The following HEXB variants were observed in gnomAD, a reference collection of about 807,000 sequenced individuals.
The protein encoded by HEXB is hexosaminidase subunit beta, also known as beta-hexosaminidase subunit beta.
A neutral mutation model predicts 71.2 loss-of-function variants in HEXB; 51 were observed. The ratio of observed to expected loss-of-function variants is 0.72; its 90% CI spans 0.57 to 0.90. HEXB has a LOEUF of 0.90. Ranked by LOEUF, HEXB falls within the 40% of genes least tolerant of loss-of-function variation. HEXB has a pLI of 0.00. For missense variants in HEXB, 617 were observed against 677.0 expected (o/e 0.91, Z 0.98); for synonymous variants, 266 against 249.3 (o/e 1.07, Z -0.63).
At chr5:74,670,829 C>G (rs932528175) in intron 1 of HEXB, among the ~76,000 whole-genome samples, 8 of 152,172 alleles carry the variant, frequency 5.3e-5, no homozygotes, top group African/African-American at 1.9e-4. Flanking sequence ...ACAGAGCCTG[C>G]TCCTGTGCTG....
intron 1 of HEXB, among the ~76,000 whole-genome samples, chr5:74,657,354 A>G (rs1384294750): frequency 3.3e-5 from 5 of 152,114 alleles, no homozygotes; most frequent in Admixed American, 1.3e-4. Flanking sequence ...AACTTTTACC[A>G]TAAATAACCA....
rs1749650935 is a variant in HEXB at position 74,715,613 on chromosome 5, A to G, written c.1005A>G (p.Thr335=). 2 of 1,609,674 alleles carry G rather than the reference A, an allele frequency of 1.2e-6. No individual in the cohort carries two copies. Among genetic ancestry groups the G allele is most frequent in the Non-Finnish European group, 1.7e-6 (2 of 1,176,304 alleles). The change falls in exon 8 of 14, where the codon ACA becomes ACG. Residue 335 remains threonine, a synonymous_variant. Coordinates refer to ENST00000261416, the MANE Select transcript of HEXB (RefSeq NM_000521.4). ...TLNTTYSFLT[T]FFKEISEVFP... The stretch of plus-strand genomic sequence containing the variant: ...ATACAACATACAGCTTCCTTACTAC[A>G]TTTTTCAAAGAAATTAGTGAGGTGT...
chr5:74,648,405 T>G (rs1235737798), intron 1 of HEXB, among the ~76,000 whole-genome samples: 1 of 152,184 alleles, frequency 6.6e-6, no homozygotes, highest in Non-Finnish European at 1.5e-5. Context: ...GGAGGCACAC[T>G]CAAATAGTAC....
chr5:74,679,785 C>T (rs992224337), intron 1 of HEXB, among the ~76,000 whole-genome samples: 4 of 116,084 alleles, frequency 3.4e-5, no homozygotes, highest in South Asian at 3.0e-4. Flanking sequence ...GGTGACAGCG[C>T]GAGACTCCGT....
intron 1 of HEXB, among the ~76,000 whole-genome samples, chr5:74,648,284 A>G (rs7704467): frequency 0.63 from 95,111 of 152,138 alleles, 30,142 homozygotes; most frequent in Middle Eastern, 0.78. Flanking sequence ...CAAGCATTAG[A>G]TTATTGTAAG....
Position 74,721,263 on chromosome 5 carries a change from T to G in HEXB, c.*88T>G. ...TAAAATAAGATATTAGACTGTTTTT[T>G]GAATAAAATATTTTTATTGATTGAA... is the stretch of plus-strand genomic sequence containing the variant. On this transcript the variant is annotated 3_prime_UTR_variant, in exon 14 of 14. Transcript: ENST00000261416. 9.4e-7 allele frequency: 1 copy of G among 1,068,748 alleles called. No homozygotes were observed. The highest frequency in any genetic ancestry group is 1.4e-6 in the Non-Finnish European group (1 of 691,720). 66.2% of individuals were successfully genotyped at this position (1,068,748 alleles called of 1,614,324 possible). A position where few individuals can be genotyped will look rare whatever the true frequency, so the allele number is the denominator to read the frequency against.
chr5:74,656,480 A>AAAAAT (rs369978790), intron 1 of HEXB, among the ~76,000 whole-genome samples: 5,258 of 145,462 alleles, frequency 0.036, 139 homozygotes, highest in Non-Finnish European at 0.048. Context: ...CTCTGTCTCA[A>AAAAAT]AAAATAAAAT....
intron 1 of HEXB, among the ~76,000 whole-genome samples, chr5:74,660,981 G>A (rs1298849818): frequency 6.6e-6 from 1 of 152,166 alleles, no homozygotes; most frequent in Non-Finnish European, 1.5e-5. Flanking sequence ...CTTGTAAAGG[G>A]AACATGGCAA....
intron 5 of HEXB, among the ~76,000 whole-genome samples, chr5:74,700,601 A>G (rs1018277920): frequency 6.6e-6 from 1 of 152,046 alleles, no homozygotes; most frequent in African/African-American, 2.4e-5. Flanking sequence ...TCCACCTTAT[A>G]TTTATATTAT....
intron 6 of HEXB, 82 bp from the exon 7 acceptor site, chr5:74,713,424 C>G: frequency 1.5e-6 from 2 of 1,358,478 alleles, no homozygotes; most frequent in Non-Finnish European, 2.1e-6. Flanking sequence ...TGTCAAATAT[C>G]AAATGCAAGC....
chr5:74,666,172 G>T (rs534024523), intron 1 of HEXB, among the ~76,000 whole-genome samples: 1 of 152,194 alleles, frequency 6.6e-6, no homozygotes, highest in South Asian at 2.1e-4. Context: ...GCAAACCATA[G>T]AAAGCATTTG....
intron 7 of HEXB, among the ~76,000 whole-genome samples, chr5:74,714,284 T>C (rs1031375115): frequency 1.2e-4 from 18 of 152,258 alleles, no homozygotes; most frequent in Non-Finnish European, 1.9e-4. Flanking sequence ...ACTCTGTGTC[T>C]ATTGTGAGCA....
At chr5:74,707,853 C>G (rs1364030423) in intron 6 of HEXB, among the ~76,000 whole-genome samples, 1 of 151,932 alleles carries the variant, frequency 6.6e-6, no homozygotes, top group Admixed American at 6.6e-5. Flanking sequence ...AGAATGGAAC[C>G]AAGTCCTACT....
At chr5:74,664,043 G>T (rs185951664) in intron 1 of HEXB, among the ~76,000 whole-genome samples, 62 of 152,222 alleles carry the variant, frequency 4.1e-4, no homozygotes, top group African/African-American at 1.3e-3. Context: ...ATCACCTGAG[G>T]TCAGGAGTTT....
At chr5:74,658,073 G>A (rs902100611) in intron 1 of HEXB, among the ~76,000 whole-genome samples, 1 of 152,164 alleles carries the variant, frequency 6.6e-6, no homozygotes, top group Non-Finnish European at 1.5e-5. Flanking sequence ...CTGGCATCTT[G>A]AAATACTGAA....
upstream of HEXB, among the ~76,000 whole-genome samples, chr5:74,684,220 C>T (rs189008696): frequency 6.6e-6 from 1 of 152,362 alleles, no homozygotes; most frequent in East Asian, 1.9e-4. Flanking sequence ...CTAGCGTTTT[C>T]TCCTTCTGGT....
Position 74,655,578 on chromosome 5 carries a change from C to T in HEXB, c.-377+15020C>T, listed in dbSNP as rs377375216. ...GTCAAACTCCTGACCTCAAGTGATC[C>T]GCCTGCCTCAGCCTCCCAAGTGCTG... On this transcript the variant is annotated intron_variant, in intron 1 of 13. Coordinates refer to the HEXB transcript ENST00000511181. 1.1e-4 allele frequency among the ~76,000 whole-genome samples: 17 copies of T among 152,124 alleles called. No individual in the cohort carries two copies. In the East Asian group the frequency reaches 2.1e-3, roughly 19 times the overall value.
At chr5:74,687,924 G>A (rs1280312943) in intron 1 of HEXB, among the ~76,000 whole-genome samples, 2 of 152,044 alleles carry the variant, frequency 1.3e-5, no homozygotes, top group Non-Finnish European at 2.9e-5. Flanking sequence ...CACATAAGTA[G>A]CATATATAAC....
intron 1 of HEXB, among the ~76,000 whole-genome samples, chr5:74,651,312 A>T (rs1371153093): frequency 6.6e-6 from 1 of 152,246 alleles, no homozygotes; most frequent in Admixed American, 6.5e-5. Flanking sequence ...CTGTGTGTCT[A>T]ACCCTTAGCG....
Sources: gnomAD v4.1 joint callset for allele counts (sites outside exome capture counted in the v4.1 genomes callset) on GRCh38, gnomAD v4.1.1 for gene constraint, MANE v1.5 for transcripts, NCBI Gene and HGNC (gene_info 2026-07-23, HGNC 2026-07-21) for gene names.